Variants in RPH3A observed in about 807,000 individuals in gnomAD.
RPH3A encodes the protein rabphilin-3A.
In RPH3A, 48 loss-of-function variants were observed where a neutral mutation model predicts 102.2. The observed-to-expected ratio is 0.47, with a 90% CI of 0.37 to 0.60. RPH3A has a LOEUF of 0.60. Among genes scored for constraint, RPH3A ranks in the 20% least tolerant of loss-of-function variants. The pLI is 0.00. For missense variants in RPH3A, 781 were observed against 910.1 expected (o/e 0.86, Z 1.83); for synonymous variants, 310 against 324.3 (o/e 0.96, Z 0.47).
intron 3 of RPH3A, among the ~76,000 whole-genome samples, chr12:112,830,696 C>G (rs140889165): frequency 6.6e-6 from 1 of 151,894 alleles, no homozygotes; most frequent in Non-Finnish European, 1.5e-5. Flanking sequence ...AAAAATTGAA[C>G]CTTTTATCAT....
intron 1 of RPH3A, among the ~76,000 whole-genome samples, chr12:112,678,287 A>G (rs12823479): frequency 0.032 from 1,117 of 34,992 alleles, 37 homozygotes; most frequent in African/African-American, 0.12. Flanking sequence ...GAAAGAAAGA[A>G]AGAAAGAAAG....
rs201804065 is a variant in RPH3A at position 112,727,456 on chromosome 12, CAG to C, written c.-139-64685_-139-64684del. On this transcript the variant is annotated intron_variant, in intron 1 of 21. Coordinates refer to the RPH3A transcript ENST00000543106. ...ACACACATACATACACACACAGACACAGACACACACACACACACACACACACA... is the reference window on the plus strand; with the variant it reads ...ACACACATACATACACACACAGACACACACACACACACACACACACACACA... Among the ~76,000 whole-genome samples, 116 of 41,724 alleles carry C rather than the reference CAG, an allele frequency of 2.8e-3. 1 individual carries two copies. The highest frequency in any genetic ancestry group is 8.8e-3 in the African/African-American group (53 of 6,008). The allele number at this position is 41,724 out of a possible 152,430, so 27.4% of individuals were successfully genotyped here.
At chr12:112,584,107 C>T (rs994927580) in intron 1 of RPH3A, among the ~76,000 whole-genome samples, 2 of 152,270 alleles carry the variant, frequency 1.3e-5, no homozygotes, top group Non-Finnish European at 2.9e-5. Context: ...GTGATTATCG[C>T]TGCAGAAAAC....
chr12:112,876,588 G>A (rs1197718983), intron 12 of RPH3A, 54 bp from the exon 13 acceptor site: 7 of 1,293,684 alleles, frequency 5.4e-6, no homozygotes, highest in Non-Finnish European at 7.5e-6. Flanking sequence ...CCTAGGTGCT[G>A]CTGTTATGAA....
At chr12:112,853,685 T>C (rs926577930) in intron 5 of RPH3A, among the ~76,000 whole-genome samples, 2 of 152,012 alleles carry the variant, frequency 1.3e-5, no homozygotes, top group Non-Finnish European at 2.9e-5. Context: ...AAAAATTAGC[T>C]GAGTGTGGTG....
chr12:112,845,140 G>A (rs1303918888), intron 4 of RPH3A, among the ~76,000 whole-genome samples: 3 of 152,200 alleles, frequency 2.0e-5, no homozygotes, highest in Non-Finnish European at 4.4e-5. Context: ...ATTCAGTATG[G>A]GAGGGGACTA....
At chr12:112,792,969 G>T (rs2041153780) in intron 2 of RPH3A, among the ~76,000 whole-genome samples, 1 of 151,484 alleles carries the variant, frequency 6.6e-6, no homozygotes, top group Non-Finnish European at 1.5e-5. Flanking sequence ...TTGTATGGGG[G>T]AGCGTCCTGG....
intron 5 of RPH3A, among the ~76,000 whole-genome samples, chr12:112,860,681 C>T (rs945088130): frequency 6.6e-6 from 1 of 152,196 alleles, no homozygotes; most frequent in South Asian, 2.1e-4. Context: ...TGTGGGGATT[C>T]GTGGAAAGCA....
chr12:112,776,136 G>A (rs1259970411), intron 1 of RPH3A, among the ~76,000 whole-genome samples: 1 of 152,140 alleles, frequency 6.6e-6, no homozygotes, highest in East Asian at 1.9e-4. Context: ...CCTGGACTTG[G>A]TTTCCAAATC....
At chr12:112,629,777 A>G (rs571537202) in intron 1 of RPH3A, among the ~76,000 whole-genome samples, 1 of 152,264 alleles carries the variant, frequency 6.6e-6, no homozygotes, top group Non-Finnish European at 1.5e-5. Flanking sequence ...TAATAATAAT[A>G]AAATTGATAG....
chr12:112,773,134 G>C (rs1213088825), intron 1 of RPH3A, among the ~76,000 whole-genome samples: 1 of 151,768 alleles, frequency 6.6e-6, no homozygotes, highest in Non-Finnish European at 1.5e-5. Flanking sequence ...TATATGTAGT[G>C]TGTGTATATA....
chr12:112,655,949 C>T (rs2136000099), intron 1 of RPH3A, among the ~76,000 whole-genome samples: 1 of 152,158 alleles, frequency 6.6e-6, no homozygotes, highest in East Asian at 1.9e-4. Flanking sequence ...TGTTCAAGAT[C>T]ATAGCTGCAG....
chr12:112,576,909 C>CTTTTTTTTTTTTTTTTTTTTTTTTT (rs3036138), intron 1 of RPH3A, among the ~76,000 whole-genome samples: 2 of 114,622 alleles, frequency 1.7e-5, no homozygotes, highest in African/African-American at 7.1e-5. Context: ...TCTTTTCTTC[C>CTTTTTTTTTTTTTTTTTTTTTTTTT]TTTTTTTTTT....
intron 1 of RPH3A, among the ~76,000 whole-genome samples, chr12:112,744,319 A>C (rs572445189): frequency 6.6e-6 from 1 of 152,112 alleles, no homozygotes; most frequent in South Asian, 2.1e-4. Context: ...CAAGTGATCC[A>C]CCTGCCTTGG....
In RPH3A at chr12:112,873,245, A is replaced by G. The variant is rs542958007; in HGVS notation, c.797-1839A>G. On this transcript the variant is annotated intron_variant, in intron 10 of 21. Coordinates refer to ENST00000389385, the MANE Select transcript of RPH3A (RefSeq NM_001143854.2). ...TGATCCAATCCACAGCTCTTTTTGGATAGGTACTATTGTAGTCATCTTCAC... is the reference window on the plus strand; with the variant it reads ...TGATCCAATCCACAGCTCTTTTTGGGTAGGTACTATTGTAGTCATCTTCAC... Among the ~76,000 whole-genome samples the G allele has an allele frequency of 1.4e-4, 21 of 152,258 alleles. No homozygotes were observed. In the South Asian group the frequency reaches 4.1e-3, roughly 30 times the overall value.
In RPH3A at chr12:112,876,651, C is replaced by T. The variant is rs181603690; in HGVS notation, c.956C>T (p.Pro319Leu). 21 of 1,605,728 alleles carry T rather than the reference C, an allele frequency of 1.3e-5. No individual in the cohort carries two copies. The highest frequency in any genetic ancestry group is 8.5e-5 in the Admixed American group (5 of 58,778). The change falls in exon 13 of 22, where the codon CCG becomes CTG. Residue 319 changes from proline to leucine, a missense_variant. By Grantham distance (98) the Pro-to-Leu change is moderately conservative. Coordinates refer to ENST00000389385, the MANE Select transcript of RPH3A (RefSeq NM_001143854.2). ...CCTTATCTCCCTGCAGAGGTGGCTC[C>T]GAGCGACCCTGGGACCACTGCCCCA... ...RFPDQKPEVA[P>L]SDPGTTAPPR...
chr12:112,756,635 G>A (rs1307487674), intron 1 of RPH3A, among the ~76,000 whole-genome samples: 2 of 152,152 alleles, frequency 1.3e-5, no homozygotes, highest in Non-Finnish European at 2.9e-5. Flanking sequence ...CTATTGTTTG[G>A]ATACACTAAT....
At chr12:112,690,023 A>G (rs996314420) in intron 1 of RPH3A, among the ~76,000 whole-genome samples, 11 of 152,214 alleles carry the variant, frequency 7.2e-5, no homozygotes, top group Non-Finnish European at 1.6e-4. Flanking sequence ...TTCCTTTAGA[A>G]TATTTTAGTT....
At chr12:112,840,349 A>G (rs1284085622) in intron 4 of RPH3A, among the ~76,000 whole-genome samples, 1 of 152,162 alleles carries the variant, frequency 6.6e-6, no homozygotes, top group Non-Finnish European at 1.5e-5. Flanking sequence ...CTAATCTTCT[A>G]GTTATTTTGA....
Sources: allele counts gnomAD v4.1 joint callset (sites outside exome capture counted in the v4.1 genomes callset), GRCh38; gene constraint gnomAD v4.1.1; transcripts MANE v1.5; gene names NCBI Gene and HGNC (gene_info 2026-07-23, HGNC 2026-07-21).